The following SCN9A variants were observed in gnomAD, a reference collection of about 807,000 sequenced individuals.
The protein encoded by SCN9A is sodium voltage-gated channel alpha subunit 9.
Under a neutral mutation model 187.0 loss-of-function variants are expected in SCN9A, and 131 were observed. The ratio of observed to expected loss-of-function variants is 0.70; its 90% CI spans 0.61 to 0.81. The LOEUF is 0.81. Ranked by LOEUF, SCN9A falls within the 30% of genes least tolerant of loss-of-function variation. The pLI, the probability that SCN9A is intolerant of heterozygous loss-of-function variation, is 0.00. For synonymous variants in SCN9A, 809 were observed against 808.6 expected (o/e 1.00, Z -0.01); for missense variants, 2,252 against 2,396.6 (o/e 0.94, Z 1.26).
At chr2:166,313,241 G>A (rs1443418796) in intron 1 of SCN9A, among the ~76,000 whole-genome samples, 1 of 151,998 alleles carries the variant, frequency 6.6e-6, no homozygotes, top group East Asian at 1.9e-4. Context: ...AAAGTCACCA[G>A]CTGCATTATC....
intron 24 of SCN9A, among the ~76,000 whole-genome samples, chr2:166,223,551 T>G (rs1303517560): frequency 6.6e-6 from 1 of 152,158 alleles, no homozygotes; most frequent in Non-Finnish European, 1.5e-5. Flanking sequence ...GAGAGAAGAA[T>G]GGTGATTGCC....
intron 20 of SCN9A, among the ~76,000 whole-genome samples, chr2:166,236,173 C>G (rs542535139): frequency 6.6e-6 from 1 of 152,052 alleles, no homozygotes; most frequent in Non-Finnish European, 1.5e-5. Context: ...TACTATATTA[C>G]AAAAATACCC....
intron 11 of SCN9A, 87 bp downstream of exon 11, chr2:166,286,249 C>T (rs905906130): frequency 7.1e-6 from 9 of 1,267,238 alleles, no homozygotes; most frequent in Non-Finnish European, 9.8e-6. Flanking sequence ...ACTCACTATC[C>T]TCTCCCGAGT....
At chr2:166,357,885 T>C (rs1378026472) in intron 1 of SCN9A, among the ~76,000 whole-genome samples, 1 of 151,916 alleles carries the variant, frequency 6.6e-6, no homozygotes, top group Non-Finnish European at 1.5e-5. Flanking sequence ...ACCAAGGAGG[T>C]TATTGGTATA....
rs949334223 is a variant in SCN9A at position 166,199,877 on chromosome 2, G to A, written c.4775-13C>T. The A allele has an allele frequency of 6.4e-7, 1 of 1,563,470 alleles. No individual in the cohort carries two copies. Among genetic ancestry groups the A allele is most frequent in the African/African-American group, 1.4e-5 (1 of 71,528 alleles). On this transcript the variant is annotated splice_polypyrimidine_tract_variant and intron_variant, in intron 26 of 26. Coordinates refer to ENST00000642356, the MANE Select transcript of SCN9A (RefSeq NM_001365536.1). Reference sequence around the variant, plus strand: ...GCTAGAAACATACCTGTATGTGGAGGAAAATAATAGAAATAAAATATTTAA... The same window carrying A: ...GCTAGAAACATACCTGTATGTGGAGAAAAATAATAGAAATAAAATATTTAA...
Position 166,278,128 on chromosome 2 carries a change from G to T in SCN9A, c.2517+12C>A. ...ATTATAGAATATAATGGCAACCTTAGTTTATGTTTACCAGTCTGAATGATC... is the reference window on the plus strand; with the variant it reads ...ATTATAGAATATAATGGCAACCTTATTTTATGTTTACCAGTCTGAATGATC... On this transcript the variant is annotated intron_variant, in intron 15 of 26. Transcript: ENST00000642356. 6.2e-7 allele frequency: 1 copy of T among 1,603,248 alleles called. No individual in the cohort carries two copies. Among genetic ancestry groups the T allele is most frequent in the Admixed American group, 1.7e-5 (1 of 58,940 alleles).
chr2:166,233,408 T>C lies in SCN9A; in HGVS notation c.3856A>G (p.Ile1286Val), dbSNP rs1695181186. ...GCTCTCAGTGTCCGAAGGGATTTAA[T>C]GGGGCCAAGATCTGAGTAGCCAAGA... ...NTLGYSDLGP[I>V]KSLRTLRALR... The change falls in exon 21 of 27, where the codon ATT becomes GTT. Residue 1286 changes from isoleucine to valine, a missense_variant. Around this residue, in one of 7 missense-constraint regions of SCN9A, gnomAD observed 368 missense variants for 408.6 expected, o/e 0.90. Transcript: ENST00000642356. 1 of 1,584,276 alleles carries C rather than the reference T, an allele frequency of 6.3e-7. No individual in the cohort carries two copies. The highest frequency in any genetic ancestry group is 8.6e-7 in the Non-Finnish European group (1 of 1,168,836).
At chr2:166,262,841 G>A (rs935520082) in intron 17 of SCN9A, among the ~76,000 whole-genome samples, 10 of 151,948 alleles carry the variant, frequency 6.6e-5, no homozygotes, top group African/African-American at 2.2e-4. Flanking sequence ...GTGTGTGTGC[G>A]TGCTTTCTTC....
At chr2:166,247,938 TG>T (rs1419785277) in intron 18 of SCN9A, among the ~76,000 whole-genome samples, 2 of 152,168 alleles carry the variant, frequency 1.3e-5, no homozygotes, top group Admixed American at 6.6e-5. Context: ...GGAAGCAGTC[TG>T]AAGTCTTCAA....
chr2:166,222,959 A>AAAAAAAAAAAAAAAAAAAAAC (rs1558960927), intron 24 of SCN9A, among the ~76,000 whole-genome samples: 1 of 146,990 alleles, frequency 6.8e-6, no homozygotes, highest in Non-Finnish European at 1.5e-5. Flanking sequence ...AAAAAAAAAA[A>AAAAAAAAAAAAAAAAAAAAAC]AAAAAAAAAA....
intron 20 of SCN9A, 145 bp downstream of exon 20, chr2:166,237,949 T>C (rs1369273875): frequency 7.3e-6 from 4 of 547,916 alleles, no homozygotes; most frequent in Non-Finnish European, 1.3e-5. Context: ...GCTGTGTTAA[T>C]ATTTCTAAAA....
chr2:166,344,057 T>C (rs1699847083), intron 1 of SCN9A, among the ~76,000 whole-genome samples: 1 of 152,172 alleles, frequency 6.6e-6, no homozygotes, highest in Non-Finnish European at 1.5e-5. Flanking sequence ...TGCCTTTCTA[T>C]GGAGAAATGC....
chr2:166,352,583 G>A (rs953398458), intron 1 of SCN9A, among the ~76,000 whole-genome samples: 8 of 152,112 alleles, frequency 5.3e-5, no homozygotes, highest in South Asian at 4.1e-4. Flanking sequence ...CTTGCTTTTC[G>A]TATATGCACC....
At chr2:166,306,809 C>T (rs971324927) in intron 3 of SCN9A, 147 bp downstream of exon 3, 6 of 637,502 alleles carry the variant, frequency 9.4e-6, no homozygotes, top group Non-Finnish European at 1.7e-5. Flanking sequence ...CTCTGAGACC[C>T]ATGACAAATT....
At chr2:166,257,216 G>T (rs901619801) in intron 17 of SCN9A, among the ~76,000 whole-genome samples, 1 of 151,518 alleles carries the variant, frequency 6.6e-6, no homozygotes, top group Admixed American at 6.6e-5. Context: ...AAACAATTTT[G>T]CTATTTATGC....
intron 20 of SCN9A, among the ~76,000 whole-genome samples, chr2:166,237,590 C>A (rs1231173605): frequency 1.3e-5 from 2 of 151,906 alleles, no homozygotes; most frequent in Non-Finnish European, 2.9e-5. Flanking sequence ...TTCTCTCTCC[C>A]CAAATACAAA....
chr2:166,281,615 G>A, intron 13 of SCN9A, 64 bp downstream of exon 13: 1 of 1,494,370 alleles, frequency 6.7e-7, no homozygotes, highest in Non-Finnish European at 9.2e-7. Flanking sequence ...GCCTATTTAA[G>A]GTTGACCAGA....
rs149707354 is a variant in SCN9A, at chr2:166,278,265, T to A, written c.2392A>T (p.Met798Leu). Reference protein sequence around the residue: ...AAEMVLKLIAMDPYEYFQVGW... With the variant: ...AAEMVLKLIALDPYEYFQVGW... The stretch of plus-strand genomic sequence containing the variant: ...ACTTGGAAATACTCATATGGATCCA[T>A]GGCAATCAGTTTTAATACCATTTCA... Residue 798 changes from methionine (M) to leucine (L), a missense_variant, in exon 15 of 27, where the codon ATG becomes TTG. Physicochemically the swap from Met to Leu is conservative, Grantham distance 15. This residue lies in a region of SCN9A where 1,013 missense variants were observed against 997.4 expected (regional missense o/e 1.02). Transcript: ENST00000642356. The A allele has an allele frequency of 6.2e-7, 1 of 1,611,786 alleles. No homozygotes were observed.
intron 1 of SCN9A, among the ~76,000 whole-genome samples, chr2:166,357,279 T>C (rs1700172562): frequency 1.3e-5 from 2 of 152,210 alleles, no homozygotes. Context: ...TGCTGAGTCA[T>C]AATTGTATGT....
Sources: gnomAD v4.1 joint callset for allele counts (sites outside exome capture counted in the v4.1 genomes callset) on GRCh38, gnomAD v4.1.1 for gene constraint, gnomAD v4.1.1 regional missense constraint, MANE v1.5 for transcripts, NCBI Gene and HGNC (gene_info 2026-07-23, HGNC 2026-07-21) for gene names.